The following INPP4B variants were observed in gnomAD, a reference collection of about 807,000 sequenced individuals.
The protein encoded by INPP4B is inositol polyphosphate-4-phosphatase type II B, also known as inositol polyphosphate 4-phosphatase type II.
Under a neutral mutation model 122.5 loss-of-function variants are expected in INPP4B, and 55 were observed. The observed-to-expected ratio is 0.45, with a 90% CI of 0.36 to 0.56. INPP4B has a LOEUF of 0.56. INPP4B is among the 20% of genes least tolerant of loss of function. INPP4B has a pLI of 0.00. For synonymous variants in INPP4B, 403 were observed against 388.7 expected (o/e 1.04, Z -0.43); for missense variants, 1,000 against 1,097.7 (o/e 0.91, Z 1.26).
At chr4:142,050,014 C>T (rs944677103) in intron 25 of INPP4B, among the ~76,000 whole-genome samples, 9 of 152,082 alleles carry the variant, frequency 5.9e-5, no homozygotes, top group Non-Finnish European at 1.2e-4. Context: ...TGTTCTTATC[C>T]ACGTAAAATA....
chr4:142,228,467 T>G (rs1022688290), intron 12 of INPP4B, among the ~76,000 whole-genome samples: 15 of 152,114 alleles, frequency 9.9e-5, no homozygotes, highest in African/African-American at 3.6e-4. Context: ...GTAATTTTGT[T>G]GTTGTTGTCA....
chr4:142,358,057 C>T (rs1033884531), intron 7 of INPP4B, among the ~76,000 whole-genome samples: 1 of 151,932 alleles, frequency 6.6e-6, no homozygotes, highest in African/African-American at 2.4e-5. Flanking sequence ...TGATATGTTT[C>T]TTACAATGTA....
intron 2 of INPP4B, among the ~76,000 whole-genome samples, chr4:142,468,835 G>A (rs900916705): frequency 1.3e-5 from 2 of 152,146 alleles, no homozygotes; most frequent in African/African-American, 2.4e-5. Flanking sequence ...AGCCTCAGGT[G>A]TTCTTTTATA....
chr4:142,260,260 G>A (rs914933585), intron 11 of INPP4B, among the ~76,000 whole-genome samples: 5 of 151,952 alleles, frequency 3.3e-5, no homozygotes, highest in African/African-American at 9.7e-5. Context: ...CTGGGATTAC[G>A]GACGTGAGCC....
chr4:142,607,770 AAAG>A lies in INPP4B; in HGVS notation c.-191+118066_-191+118068del, dbSNP rs754290844. Among the ~76,000 whole-genome samples the A allele has an allele frequency of 9.9e-5, 15 of 152,272 alleles. No individual in the cohort carries two copies. The South Asian group carries it at 1.9e-3, about 19-fold the overall frequency. On this transcript the variant is annotated intron_variant, in intron 2 of 25. Transcript: ENST00000262992. Reference sequence around the variant, plus strand: ...AAGACAGACAATATACTTTTTTAAAAAAGAAGAACACTTATAGCTTCCAGGATC... The same window carrying A: ...AAGACAGACAATATACTTTTTTAAAAAAGAACACTTATAGCTTCCAGGATC...
intron 1 of INPP4B, among the ~76,000 whole-genome samples, chr4:142,740,518 T>C (rs1235746686): frequency 6.6e-6 from 1 of 152,058 alleles, no homozygotes; most frequent in African/African-American, 2.4e-5. Context: ...AAACAATGGT[T>C]AACATCCTAG....
rs534953117 is a variant in INPP4B at position 142,550,712 on chromosome 4, C to T, written c.-190-87986G>A. Among the ~76,000 whole-genome samples the T allele has an allele frequency of 5.3e-5, 8 of 151,764 alleles. No individual in the cohort carries two copies. In the East Asian group the frequency reaches 1.6e-3, roughly 29 times the overall value. On this transcript the variant is annotated intron_variant, in intron 2 of 25. Coordinates refer to ENST00000262992, the MANE Select transcript of INPP4B (RefSeq NM_001101669.3). ...CATTCAATTCAAACAATTACTGAGG[C>T]CCTGCAAAGTACTAGGGGACCAAGT...
chr4:142,045,294 T>C (rs952733721), intron 25 of INPP4B, among the ~76,000 whole-genome samples: 1 of 152,136 alleles, frequency 6.6e-6, no homozygotes, highest in Non-Finnish European at 1.5e-5. Flanking sequence ...ATTAGGAACA[T>C]TTTATTAACA....
chr4:142,329,495 T>C (rs973562541), intron 7 of INPP4B, among the ~76,000 whole-genome samples: 6 of 152,212 alleles, frequency 3.9e-5, no homozygotes, highest in African/African-American at 7.2e-5. Flanking sequence ...AGTGATGTGA[T>C]ATTTGTCATG....
chr4:142,476,267 C>T (rs904461178), intron 2 of INPP4B, among the ~76,000 whole-genome samples: 2 of 152,150 alleles, frequency 1.3e-5, no homozygotes, highest in African/African-American at 4.8e-5. Flanking sequence ...AAATAAGATA[C>T]TTTTCAGAAA....
intron 1 of INPP4B, among the ~76,000 whole-genome samples, chr4:142,845,925 C>G (rs541752896): frequency 6.6e-6 from 1 of 152,144 alleles, no homozygotes; most frequent in Non-Finnish European, 1.5e-5. Flanking sequence ...CGAAAACGCG[C>G]GCGCGCCGGG....
At chr4:142,609,146 C>T (rs1741946169) in intron 2 of INPP4B, among the ~76,000 whole-genome samples, 1 of 151,576 alleles carries the variant, frequency 6.6e-6, no homozygotes. Flanking sequence ...AGTTAGATTC[C>T]CTGCTTACAG....
At chr4:142,270,933 TTG>T (rs58469157) in intron 9 of INPP4B, among the ~76,000 whole-genome samples, 159 bp from the exon 10 acceptor site, 115 of 148,450 alleles carry the variant, frequency 7.7e-4, no homozygotes, top group Middle Eastern at 3.5e-3. Flanking sequence ...GGGTAGGTGT[TTG>T]TGTGTGTGTG....
At chr4:142,112,470 A>C (rs985957525) in intron 22 of INPP4B, 72 bp downstream of exon 22, 1 of 1,454,600 alleles carries the variant, frequency 6.9e-7, no homozygotes, top group African/African-American at 1.4e-5. Flanking sequence ...ATGCAGATAC[A>C]TGGGACTTCT....
At chr4:142,197,222 T>C (rs772575360) in intron 14 of INPP4B, among the ~76,000 whole-genome samples, 2 of 151,740 alleles carry the variant, frequency 1.3e-5, no homozygotes, top group Non-Finnish European at 2.9e-5. Context: ...GTACTCCTTA[T>C]TTATAGCATG....
chr4:142,399,168 T>C (rs548345698), intron 7 of INPP4B, among the ~76,000 whole-genome samples: 38 of 150,678 alleles, frequency 2.5e-4, no homozygotes, highest in African/African-American at 9.2e-4. Flanking sequence ...GATGTTCTTT[T>C]CCTTTCTAAA....
intron 7 of INPP4B, among the ~76,000 whole-genome samples, chr4:142,317,738 C>G (rs990927531): frequency 6.6e-6 from 1 of 152,144 alleles, no homozygotes; most frequent in African/African-American, 2.4e-5. Context: ...CTTTTTCCTC[C>G]AACTCTTCCA....
intron 2 of INPP4B, among the ~76,000 whole-genome samples, chr4:142,653,148 G>T (rs990638783): frequency 2.8e-4 from 42 of 152,340 alleles, no homozygotes; most frequent in Non-Finnish European, 5.1e-4. Context: ...AATAAATGGT[G>T]CTGGGAAAAC....
chr4:142,381,286 A>C (rs1793997565), intron 7 of INPP4B, among the ~76,000 whole-genome samples: 1 of 152,258 alleles, frequency 6.6e-6, no homozygotes, highest in Middle Eastern at 3.4e-3. Flanking sequence ...CAGTCTTATA[A>C]GTGAATATTG....
Sources: gnomAD v4.1 joint callset for allele counts (sites outside exome capture counted in the v4.1 genomes callset) on GRCh38, gnomAD v4.1.1 for gene constraint, MANE v1.5 for transcripts, NCBI Gene and HGNC (gene_info 2026-07-23, HGNC 2026-07-21) for gene names.